DENND2A: variants seen among roughly 807,000 people sequenced by gnomAD.
DENND2A encodes DENN domain-containing protein 2A.
DENND2A carries 53 observed loss-of-function variants against 105.3 expected under a neutral mutation model. The ratio of observed to expected loss-of-function variants is 0.50; its 90% CI spans 0.40 to 0.63. The LOEUF is 0.63. DENND2A is among the 30% of genes least tolerant of loss of function. The pLI, the probability that DENND2A is intolerant of heterozygous loss-of-function variation, is 0.00. For synonymous variants in DENND2A, 522 were observed against 508.4 expected, an observed-to-expected ratio of 1.03 and a Z score of -0.36; for missense variants, 1,138 against 1,279.6, an observed-to-expected ratio of 0.89 and a Z score of 1.69.
chr7:140,569,796 G>C, intron 6 of DENND2A, 58 bp from the exon 7 acceptor site: 1 of 1,250,656 alleles, frequency 8.0e-7, no homozygotes, highest in Non-Finnish European at 1.2e-6. Flanking sequence ...TGTGGCAGCT[G>C]GGCTTCCCTC....
At chr7:140,617,246 A>G (rs1382647192) in intron 1 of DENND2A, among the ~76,000 whole-genome samples, 1 of 152,178 alleles carries the variant, frequency 6.6e-6, no homozygotes, top group Non-Finnish European at 1.5e-5. Flanking sequence ...AAGTGCGTGC[A>G]CCTTTTCCTG....
At chr7:140,585,309 C>T (rs1458352326) in intron 5 of DENND2A, among the ~76,000 whole-genome samples, 1 of 152,226 alleles carries the variant, frequency 6.6e-6, no homozygotes, top group South Asian at 2.1e-4. Context: ...TTAAGACATT[C>T]TTAACAGTTG....
chr7:140,636,422 A>G (rs1430527272), intron 1 of DENND2A, among the ~76,000 whole-genome samples: 3 of 152,174 alleles, frequency 2.0e-5, no homozygotes, highest in African/African-American at 7.2e-5. Flanking sequence ...ACAGGAGTCC[A>G]GGAGACTGTG....
intron 14 of DENND2A, among the ~76,000 whole-genome samples, chr7:140,540,129 A>G (rs1433478224): frequency 2.6e-5 from 4 of 152,242 alleles, no homozygotes; most frequent in African/African-American, 7.2e-5. Context: ...TAAAAACCCA[A>G]TGACGGTCTT....
At chr7:140,536,768 T>C (rs535184037) in intron 14 of DENND2A, among the ~76,000 whole-genome samples, 3 of 152,172 alleles carry the variant, frequency 2.0e-5, no homozygotes, top group Admixed American at 6.5e-5. Flanking sequence ...GTTCAAGTGA[T>C]TCTCCTGCCT....
rs113174788 is a variant in DENND2A, at chr7:140,570,175, G to A, written c.1447-437C>T. 8.4e-3 allele frequency among the ~76,000 whole-genome samples: 1,274 copies of A among 152,234 alleles called. 25 individuals are homozygous for A. Among genetic ancestry groups the A allele is most frequent in the African/African-American group, 0.029 (1,212 of 41,538 alleles). ...CTCCCAAAATGCTGGGATTACAGGCGCGAGCCACCGCACCCAGCCCAGTCA... is the reference window on the plus strand; with the variant it reads ...CTCCCAAAATGCTGGGATTACAGGCACGAGCCACCGCACCCAGCCCAGTCA... On this transcript the variant is annotated intron_variant, in intron 6 of 19. Transcript: ENST00000496613.
At chr7:140,529,187 G>A (rs531796960) in intron 14 of DENND2A, among the ~76,000 whole-genome samples, 13 of 152,246 alleles carry the variant, frequency 8.5e-5, no homozygotes, top group African/African-American at 2.2e-4. Flanking sequence ...GGCTGGGTGC[G>A]GTGGCTGACG....
At chr7:140,530,128 G>A (rs1044151942) in intron 14 of DENND2A, among the ~76,000 whole-genome samples, 2 of 151,808 alleles carry the variant, frequency 1.3e-5, no homozygotes, top group Non-Finnish European at 2.9e-5. Flanking sequence ...GGAAGCTGAA[G>A]TGTGAAGATT....
At chr7:140,544,472 G>C in intron 14 of DENND2A, 146 bp downstream of exon 14, 1 of 1,027,416 alleles carries the variant, frequency 9.7e-7, no homozygotes, top group Non-Finnish European at 1.5e-6. Flanking sequence ...TGAGATTACA[G>C]GTGTGAGTCA....
rs548348908 is a variant in DENND2A at position 140,568,985 on chromosome 7, C to T, written c.1541-172G>A. On this transcript the variant is annotated intron_variant, in intron 7 of 19. Coordinates refer to ENST00000496613, the MANE Select transcript of DENND2A (RefSeq NM_015689.5). ...TGTCACCCAGGCTGGAGTGCAGTGGCGCAATCTCGGCTCACTGCAACCTCT... is the reference window on the plus strand; with the variant it reads ...TGTCACCCAGGCTGGAGTGCAGTGGTGCAATCTCGGCTCACTGCAACCTCT... Among the ~76,000 whole-genome samples the T allele has an allele frequency of 1.9e-4, 29 of 151,870 alleles. No homozygotes were observed. The South Asian group carries it at 5.4e-3, about 28-fold the overall frequency.
At chr7:140,539,836 T>C (rs535981421) in intron 14 of DENND2A, among the ~76,000 whole-genome samples, 2 of 152,330 alleles carry the variant, frequency 1.3e-5, no homozygotes, top group African/African-American at 2.4e-5. Context: ...TTTACGCAGA[T>C]TTCCATCTCT....
At chr7:140,594,826 C>T (rs1341212919) in intron 3 of DENND2A, among the ~76,000 whole-genome samples, 2 of 152,200 alleles carry the variant, frequency 1.3e-5, no homozygotes, top group African/African-American at 4.8e-5. Flanking sequence ...AGCGATTCTC[C>T]TGCCTCAGCC....
In DENND2A at chr7:140,573,926, C is replaced by G; in HGVS notation, c.1328G>C (p.Arg443Pro). 6.2e-7 allele frequency: 1 copy of G among 1,614,140 alleles called. No homozygotes were observed. The highest frequency in any genetic ancestry group is 8.5e-7 in the Non-Finnish European group (1 of 1,180,028). Residue 443 changes from arginine (R) to proline (P), a missense_variant, in exon 6 of 20, where the codon CGG (arginine) becomes CCG (proline). Transcript: ENST00000496613. ...TTTGGAAGGGGACCCAGTTCCATCCCGACTCAGCTTCCTAGTGTCCAGCAG... is the reference window on the plus strand; with the variant it reads ...TTTGGAAGGGGACCCAGTTCCATCCGGACTCAGCTTCCTAGTGTCCAGCAG... ...FKLLDTRKLS[R>P]DGTGSPSKIS...
At chr7:140,601,271 G>T in intron 3 of DENND2A, 132 bp downstream of exon 3, 1 of 1,242,164 alleles carries the variant, frequency 8.1e-7, no homozygotes, top group Non-Finnish European at 1.1e-6. Flanking sequence ...CTTAAGCTAT[G>T]AACCATCTGG....
rs751954587 is a variant in DENND2A, at chr7:140,527,406, A to G, written c.2417T>C (p.Met806Thr). Residue 806 changes from methionine (M) to threonine (T), a missense_variant, in exon 15 of 20, where the codon ATG becomes ACG. By Grantham distance (81) the Met-to-Thr change is moderately conservative. This residue lies in a region of DENND2A where 627 missense variants were observed against 779.8 expected (regional missense o/e 0.80). Coordinates refer to ENST00000496613, the MANE Select transcript of DENND2A (RefSeq NM_015689.5). The surrounding 1 kb of genome is among the most constrained non-coding windows in gnomAD (Gnocchi z 4.9). ...HTYIPVLPPA[M>T]VDIVCSPTPF... The stretch of plus-strand genomic sequence containing the variant: ...CGTCGGCGAGCACACGATGTCGACC[A>G]TGGCGGGTGGCAGCACCGGGATGTA... 1 of 1,603,298 alleles carries G rather than the reference A, an allele frequency of 6.2e-7. No homozygotes were observed. The highest frequency in any genetic ancestry group is 8.5e-7 in the Non-Finnish European group (1 of 1,176,426).
intron 1 of DENND2A, among the ~76,000 whole-genome samples, chr7:140,629,094 A>G (rs1800640123): frequency 6.6e-6 from 1 of 152,222 alleles, no homozygotes; most frequent in South Asian, 2.1e-4. Context: ...TTAAACTCAC[A>G]GAAAACTCAA....
At chr7:140,544,458 G>A in intron 14 of DENND2A, 160 bp downstream of exon 14, 1 of 882,536 alleles carries the variant, frequency 1.1e-6, no homozygotes, top group Non-Finnish European at 1.8e-6. Context: ...GCCTCTCAAA[G>A]TGCTGAGATT....
At chr7:140,638,677 T>C (rs1801052281) in intron 1 of DENND2A, among the ~76,000 whole-genome samples, 1 of 152,138 alleles carries the variant, frequency 6.6e-6, no homozygotes, top group Non-Finnish European at 1.5e-5. Flanking sequence ...CACACTGAAT[T>C]CCCCTCACTG....
Position 140,622,395 on chromosome 7 carries a change from C to CA in DENND2A, c.-247-16590dup, listed in dbSNP as rs879906984. The stretch of plus-strand genomic sequence containing the variant: ...TGGGCGACAGAGCAAGACTCCATCT[C>CA]AAAAAAAAAAAAATTAATTTTGAAA... On this transcript the variant is annotated intron_variant, in intron 1 of 19. Coordinates refer to ENST00000496613, the MANE Select transcript of DENND2A (RefSeq NM_015689.5). Among the ~76,000 whole-genome samples, 112 of 137,772 alleles carry CA rather than the reference C, an allele frequency of 8.1e-4. 1 individual carries two copies. The highest frequency in any genetic ancestry group is 1.1e-3 in the African/African-American group (40 of 37,456). The allele number at this position is 137,772 out of a possible 152,430, so 90.4% of individuals were successfully genotyped here. A position where few individuals can be genotyped will look rare whatever the true frequency, so the allele number is the denominator to read the frequency against.
Sources: allele counts gnomAD v4.1 joint callset (sites outside exome capture counted in the v4.1 genomes callset), GRCh38; gene constraint gnomAD v4.1.1; regional missense constraint gnomAD v4.1.1; non-coding constraint Gnocchi (gnomAD v3.1); transcripts MANE v1.5; gene names NCBI Gene and HGNC (gene_info 2026-07-23, HGNC 2026-07-21).